ACTR3C: variants seen among roughly 807,000 people sequenced by gnomAD.
ACTR3C encodes actin-related protein 3C.
A neutral mutation model predicts 26.3 loss-of-function variants in ACTR3C; 18 were observed. The observed-to-expected ratio is 0.68, with a 90% CI of 0.47 to 1.01. ACTR3C has a LOEUF of 1.01. Among genes scored for constraint, ACTR3C ranks in the 50% least tolerant of loss-of-function variants. ACTR3C has a pLI of 0.00. For missense variants in ACTR3C, 184 were observed against 250.7 expected (o/e 0.73, Z 1.80); for synonymous variants, 55 against 94.5 (o/e 0.58, Z 2.42).
the ACTR3C span, among the ~76,000 whole-genome samples, chr7:149,882,567 T>G: frequency 1.3e-5 from 2 of 152,218 alleles, no homozygotes; most frequent in African/African-American, 2.4e-5. Context: ...CTCCACTCCC[T>G]GGCACGATCT....
chr7:149,918,741 T>C, the ACTR3C span, among the ~76,000 whole-genome samples: 2 of 151,960 alleles, frequency 1.3e-5, no homozygotes, highest in East Asian at 3.9e-4. Context: ...CATGAGGATG[T>C]GGAGAAAAGA....
the ACTR3C span, among the ~76,000 whole-genome samples, chr7:150,091,505 AAC>A: frequency 8.0e-4 from 34 of 42,392 alleles, no homozygotes; most frequent in African/African-American, 2.6e-3. Context: ...AGTGAGAAGA[AAC>A]ACAACCTATT....
intron 6 of ACTR3C, among the ~76,000 whole-genome samples, chr7:150,271,118 A>G (rs1040521878): frequency 7.3e-6 from 1 of 137,750 alleles, no homozygotes; most frequent in Non-Finnish European, 1.5e-5. Flanking sequence ...CTCCTAATAG[A>G]GCAAAAAGTG....
At chr7:150,199,069 GC>G in the ACTR3C span, among the ~76,000 whole-genome samples, 3 of 148,186 alleles carry the variant, frequency 2.0e-5, no homozygotes, top group Non-Finnish European at 4.4e-5. Flanking sequence ...GAAGTGAGGA[GC>G]CCCTCTGCCC....
chr7:150,186,959 C>G, the ACTR3C span, among the ~76,000 whole-genome samples: 21 of 152,090 alleles, frequency 1.4e-4, no homozygotes, highest in East Asian at 3.5e-3. Flanking sequence ...AGTAGAGAAG[C>G]CTTTCTCAAA....
chr7:150,189,237 C>T, the ACTR3C span, among the ~76,000 whole-genome samples: 2 of 151,992 alleles, frequency 1.3e-5, no homozygotes, highest in South Asian at 4.1e-4. Context: ...TTGCTCTATT[C>T]TTTTTGCCTT....
intron 6 of ACTR3C, among the ~76,000 whole-genome samples, chr7:150,253,135 G>A (rs1277269402): frequency 1.3e-5 from 2 of 152,130 alleles, no homozygotes; most frequent in South Asian, 2.1e-4. Flanking sequence ...TGCCCACGCC[G>A]TGTAAAGATG....
At chr7:150,053,884 G>T in the ACTR3C span, among the ~76,000 whole-genome samples, 34 of 152,172 alleles carry the variant, frequency 2.2e-4, no homozygotes, top group Admixed American at 4.6e-4. Context: ...ATTTAGGGAG[G>T]GTTGAGCGTG....
the ACTR3C span, among the ~76,000 whole-genome samples, chr7:150,049,991 T>C: frequency 6.6e-6 from 1 of 152,266 alleles, no homozygotes; most frequent in South Asian, 2.1e-4. Flanking sequence ...CATTTGACTT[T>C]GAAGACAGAG....
the ACTR3C span, among the ~76,000 whole-genome samples, chr7:150,039,439 T>TCC: frequency 5.4e-5 from 1 of 18,652 alleles, no homozygotes; most frequent in South Asian, 1.7e-3. Context: ...CGGGGGTGCC[T>TCC]CCCCCCCTGC....
chr7:150,059,267 A>C, the ACTR3C span, among the ~76,000 whole-genome samples: 1 of 152,242 alleles, frequency 6.6e-6, no homozygotes, highest in South Asian at 2.1e-4. Flanking sequence ...GTTGTTACAG[A>C]GGGGAAACCT....
rs370606256 is a variant in ACTR3C at position 150,250,941 on chromosome 7, G to A, written c.565-1887C>T. ...TGCTTAAAAGGATGGGATTGGATGC[G>A]GTCACCTAGGGAGCAGGTGTCAACT... On this transcript the variant is annotated intron_variant, in intron 6 of 7. Coordinates refer to ENST00000683684, the MANE Select transcript of ACTR3C (RefSeq NM_001164458.2). Among the ~76,000 whole-genome samples, 23 of 152,220 alleles carry A rather than the reference G, an allele frequency of 1.5e-4. No homozygotes were observed. In the East Asian group the frequency reaches 2.3e-3, roughly 15 times the overall value.
the ACTR3C span, among the ~76,000 whole-genome samples, chr7:150,109,210 T>G: frequency 6.6e-6 from 1 of 151,926 alleles, no homozygotes; most frequent in South Asian, 2.1e-4. Context: ...CTTCATTTTT[T>G]AGCTACAAAT....
At chr7:150,046,216 TG>T in the ACTR3C span, among the ~76,000 whole-genome samples, 1 of 151,884 alleles carries the variant, frequency 6.6e-6, no homozygotes, top group Non-Finnish European at 1.5e-5. Context: ...CAAAGTTTTG[TG>T]ATCTCCATTA....
At chr7:150,136,405 C>T in the ACTR3C span, among the ~76,000 whole-genome samples, 1 of 152,184 alleles carries the variant, frequency 6.6e-6, no homozygotes, top group East Asian at 1.9e-4. Context: ...CACAGTGGCT[C>T]ACGCCTGTAA....
the ACTR3C span, among the ~76,000 whole-genome samples, chr7:150,210,963 ATCT>A: frequency 0.011 from 1,658 of 149,952 alleles, 51 homozygotes; most frequent in African/African-American, 0.039. Context: ...AGAGGTAATA[ATCT>A]TCTTTTGTCC....
chr7:150,048,897 G>A, the ACTR3C span, among the ~76,000 whole-genome samples: 41 of 152,138 alleles, frequency 2.7e-4, no homozygotes, highest in African/African-American at 4.3e-4. Flanking sequence ...CGGGGCGGCA[G>A]AGGACGCCCA....
chr7:150,119,129 A>G, the ACTR3C span, among the ~76,000 whole-genome samples: 1 of 152,210 alleles, frequency 6.6e-6, no homozygotes, highest in Non-Finnish European at 1.5e-5. Context: ...GCCACTGCAA[A>G]AACATACCAA....
chr7:150,051,614 C>A, the ACTR3C span, among the ~76,000 whole-genome samples: 1 of 132,770 alleles, frequency 7.5e-6, no homozygotes, highest in Non-Finnish European at 1.6e-5. Flanking sequence ...TATTTAATGT[C>A]GAGTTTAATT....
Sources: gnomAD v4.1 joint callset for allele counts (sites outside exome capture counted in the v4.1 genomes callset) on GRCh38, gnomAD v4.1.1 for gene constraint, MANE v1.5 for transcripts, NCBI Gene and HGNC (gene_info 2026-07-23, HGNC 2026-07-21) for gene names.